ZXDC: variants seen among roughly 807,000 people sequenced by gnomAD.
ZXDC encodes the protein zinc finger protein ZXDC.
Under a neutral mutation model 63.6 loss-of-function variants are expected in ZXDC, and 58 were observed. That is an observed-to-expected ratio of 0.91 (90% confidence interval 0.74 to 1.13). ZXDC has a LOEUF of 1.13. Ranked by LOEUF, ZXDC falls within the 50% of genes most tolerant of loss-of-function variation. ZXDC has a pLI of 0.00. For missense variants in ZXDC, 1,133 were observed against 1,148.9 expected (o/e 0.99, Z 0.20); for synonymous variants, 561 against 496.1 (o/e 1.13, Z -1.74).
At chr3:126,468,982 C>T (rs1011750345) in intron 4 of ZXDC, among the ~76,000 whole-genome samples, 3 of 152,212 alleles carry the variant, frequency 2.0e-5, no homozygotes, top group Admixed American at 6.5e-5. Flanking sequence ...ATCACAACAA[C>T]GACAGTAACT....
rs1935140423 is a variant in ZXDC at position 126,475,200 on chromosome 3, G to A, written c.666C>T (p.Ser222=). ...LEGCGWAFTT[S]YKLKRHLQSH... ...ACTGCAGGTGCCGCTTGAGCTTGTA[G>A]GACGTTGTGAAGGCCCAACCACAGC... The change falls in exon 1 of 10, where the codon TCC becomes TCT. Residue 222 remains serine (S), a synonymous_variant. Transcript: ENST00000389709. 6.3e-7 allele frequency: 1 copy of A among 1,585,676 alleles called. No individual in the cohort carries two copies.
At chr3:126,449,598 C>T (rs1224462629) in intron 7 of ZXDC, among the ~76,000 whole-genome samples, 1 of 152,228 alleles carries the variant, frequency 6.6e-6, no homozygotes, top group Non-Finnish European at 1.5e-5. Context: ...TACAAATCAT[C>T]GCTCTGGCTG....
intron 7 of ZXDC, chr3:126,454,874 A>C (rs1159157512): frequency 2.0e-6 from 2 of 985,250 alleles, no homozygotes; most frequent in East Asian, 1.1e-4. Flanking sequence ...GAATCTCAAT[A>C]CTCAAGATAA....
At chr3:126,470,812 T>C in intron 4 of ZXDC, 83 bp downstream of exon 4, 1 of 1,571,944 alleles carries the variant, frequency 6.4e-7, no homozygotes, top group Non-Finnish European at 8.7e-7. Context: ...AGCTAACATT[T>C]ACCTTTAAAC....
intron 4 of ZXDC, among the ~76,000 whole-genome samples, chr3:126,467,472 G>A (rs781331377): frequency 1.3e-5 from 2 of 152,158 alleles, no homozygotes; most frequent in South Asian, 2.1e-4. Flanking sequence ...ACGCACTCGC[G>A]GCACCTTCTT....
At chr3:126,452,272 T>C (rs1934136631) in intron 7 of ZXDC, 2 of 985,326 alleles carry the variant, frequency 2.0e-6, no homozygotes, top group Non-Finnish European at 1.2e-6. Flanking sequence ...TTCTTGTCCA[T>C]AGCTTCTTAC....
intron 7 of ZXDC, among the ~76,000 whole-genome samples, chr3:126,449,939 G>C (rs546156107): frequency 6.4e-4 from 98 of 152,328 alleles, no homozygotes; most frequent in African/African-American, 2.0e-3. Context: ...AAGGACCATG[G>C]CGCTCACTCA....
At position 126,466,193 on chromosome 3, in the gene ZXDC, A is replaced by G. The variant is rs1934755803; in HGVS notation, c.1403T>C (p.Met468Thr). ...CNRLFTSKHS[M>T]KAHMVRQHSR... ...GTGCTGTCTGACCATGTGCGCCTTC[A>G]TGCTGTGCTTGGAGGTGAAGAGTCT... The change falls in exon 5 of 10, where the codon ATG becomes ACG. Residue 468 changes from methionine (M) to threonine (T), a missense_variant. Coordinates refer to ENST00000389709, the MANE Select transcript of ZXDC (RefSeq NM_025112.5). 2 of 1,614,094 alleles carry G rather than the reference A, an allele frequency of 1.2e-6. No individual in the cohort carries two copies. The highest frequency in any genetic ancestry group is 2.7e-5 in the African/African-American group (2 of 74,932).
At chr3:126,447,376 A>G (rs189223821) in intron 7 of ZXDC, among the ~76,000 whole-genome samples, 193 of 152,280 alleles carry the variant, frequency 1.3e-3, no homozygotes, top group Admixed American at 3.1e-3. Context: ...TTATTGGAAA[A>G]TCTATTAATT....
chr3:126,445,645 C>T (rs1933856652), intron 7 of ZXDC, among the ~76,000 whole-genome samples: 1 of 151,814 alleles, frequency 6.6e-6, no homozygotes, highest in East Asian at 2.0e-4. Context: ...CAGATGAGCT[C>T]GGACACCCCT....
chr3:126,462,932 C>G (rs1433855498), intron 5 of ZXDC, among the ~76,000 whole-genome samples: 1 of 152,196 alleles, frequency 6.6e-6, no homozygotes, highest in African/African-American at 2.4e-5. Context: ...CTCCCACAGC[C>G]TCCCCTACCA....
chr3:126,470,171 C>T (rs1392617370), intron 4 of ZXDC, among the ~76,000 whole-genome samples: 1 of 152,168 alleles, frequency 6.6e-6, no homozygotes, highest in African/African-American at 2.4e-5. Flanking sequence ...TCTACTATAC[C>T]TTTTAAAAAG....
chr3:126,447,407 T>G (rs1933923087), intron 7 of ZXDC, among the ~76,000 whole-genome samples: 1 of 152,264 alleles, frequency 6.6e-6, no homozygotes, highest in Admixed American at 6.5e-5. Context: ...AAATATGTAC[T>G]GTGCAATTAG....
chr3:126,467,267 C>G (rs1453840516), intron 4 of ZXDC, among the ~76,000 whole-genome samples: 1 of 152,196 alleles, frequency 6.6e-6, no homozygotes, highest in African/African-American at 2.4e-5. Flanking sequence ...GCAGTGCAGG[C>G]ACCCCAGCCT....
chr3:126,441,120 C>T (rs929838369), intron 8 of ZXDC: 1 of 985,586 alleles, frequency 1.0e-6, no homozygotes, highest in Non-Finnish European at 1.2e-6. Context: ...GCCCCTCAAA[C>T]TGAGACTGAA....
chr3:126,441,018 G>C lies in ZXDC; in HGVS notation c.2394+747C>G, dbSNP rs943213054. 1.8e-4 allele frequency: 178 copies of C among 985,582 alleles called. No individual in the cohort carries two copies. In the African/African-American group the frequency reaches 3.0e-3, roughly 17 times the overall value. The allele number at this position is 985,582 out of a possible 1,614,324, so 61.1% of individuals were successfully genotyped here. On this transcript the variant is annotated intron_variant, in intron 8 of 9. Coordinates refer to ENST00000389709, the MANE Select transcript of ZXDC (RefSeq NM_025112.5). The stretch of plus-strand genomic sequence containing the variant: ...AATCTACAAAGTGGAGTGGTGAAGA[G>C]GGGCACACACCTGGGCCAAACCCAG...
At chr3:126,474,880 C>T (rs1397163094) in intron 1 of ZXDC, 79 bp downstream of exon 1, 3 of 1,454,212 alleles carry the variant, frequency 2.1e-6, no homozygotes, top group East Asian at 2.5e-5. Context: ...GTCTGGCAGG[C>T]CCCTCTGTGG....
intron 4 of ZXDC, among the ~76,000 whole-genome samples, chr3:126,470,428 T>C (rs866932998): frequency 4.6e-5 from 7 of 152,184 alleles, no homozygotes; most frequent in Non-Finnish European, 7.3e-5. Context: ...GATCACACCA[T>C]TGCATCCAGC....
chr3:126,471,482 C>T (rs1934978231), intron 3 of ZXDC, among the ~76,000 whole-genome samples: 1 of 152,116 alleles, frequency 6.6e-6, no homozygotes, highest in Non-Finnish European at 1.5e-5. Flanking sequence ...TATATTAAAT[C>T]CTCAGAGCCC....
Sources: gnomAD v4.1 joint callset for allele counts (sites outside exome capture counted in the v4.1 genomes callset) on GRCh38, gnomAD v4.1.1 for gene constraint, MANE v1.5 for transcripts, NCBI Gene and HGNC (gene_info 2026-07-23, HGNC 2026-07-21) for gene names.